TMEM131L: variants seen among roughly 807,000 people sequenced by gnomAD.
TMEM131L encodes transmembrane 131 like.
Under a neutral mutation model 192.2 loss-of-function variants are expected in TMEM131L, and 54 were observed. The observed-to-expected ratio is 0.28, with a 90% confidence interval of 0.23 to 0.35. TMEM131L has a LOEUF of 0.35. Among genes scored for constraint, TMEM131L ranks in the 10% least tolerant of loss-of-function variants. The pLI is 1.00. For missense variants in TMEM131L, 1,888 were observed against 1,972.9 expected (o/e 0.96, Z 0.82); for synonymous variants, 701 against 704.9 (o/e 0.99, Z 0.09).
intron 3 of TMEM131L, among the ~76,000 whole-genome samples, chr4:153,536,669 A>C (rs966321883): frequency 6.6e-6 from 1 of 152,158 alleles, no homozygotes; most frequent in Non-Finnish European, 1.5e-5. Flanking sequence ...AACTGACAGA[A>C]TCGATCGATC....
In TMEM131L at chr4:153,515,573, A is replaced by G. The variant is rs150498218; in HGVS notation, c.240-34500A>G. ...GTGTTTGTGTGGACGTATGTTTTCA[A>G]TTCTATTGGTTATATATCTACGAGT... On this transcript the variant is annotated intron_variant, in intron 3 of 34. Coordinates refer to ENST00000409959, the MANE Select transcript of TMEM131L (RefSeq NM_001131007.2). 1.0e-3 allele frequency among the ~76,000 whole-genome samples: 158 copies of G among 152,328 alleles called. No homozygotes were observed. In the East Asian group the frequency reaches 0.017, roughly 16 times the overall value.
In TMEM131L at chr4:153,605,929, T is replaced by C. The variant is rs539279035; in HGVS notation, c.3418+1499T>C. On this transcript the variant is annotated intron_variant, in intron 25 of 34. Transcript: ENST00000409959. ...CTAGGCAGCTGCACACATGCATTCT[T>C]GGTGCATTTAGTCCAACCCGTTTGT... 2.8e-4 allele frequency among the ~76,000 whole-genome samples: 42 copies of C among 152,328 alleles called. No individual in the cohort carries two copies. The South Asian group carries it at 7.0e-3, about 26-fold the overall frequency.
At chr4:153,571,171 C>G (rs1486221011) in intron 7 of TMEM131L, among the ~76,000 whole-genome samples, 1 of 151,954 alleles carries the variant, frequency 6.6e-6, no homozygotes, top group African/African-American at 2.4e-5. Context: ...AATCTTTTTT[C>G]TGTTTGTTGC....
At chr4:153,513,109 T>C (rs1266729071) in intron 3 of TMEM131L, among the ~76,000 whole-genome samples, 1 of 152,184 alleles carries the variant, frequency 6.6e-6, no homozygotes, top group Non-Finnish European at 1.5e-5. Context: ...TCAGTAGAGC[T>C]CTGGAGGTAG....
intron 3 of TMEM131L, among the ~76,000 whole-genome samples, chr4:153,549,649 A>C (rs1262292700): frequency 1.3e-5 from 2 of 152,192 alleles, no homozygotes; most frequent in Non-Finnish European, 2.9e-5. Context: ...TTGTAGCCTC[A>C]CCAGCTATGC....
Position 153,579,297 on chromosome 4 carries a change from C to T in TMEM131L, c.661-1529C>T, listed in dbSNP as rs551448437. On this transcript the variant is annotated intron_variant, in intron 7 of 34. Coordinates refer to ENST00000409959, the MANE Select transcript of TMEM131L (RefSeq NM_001131007.2). ...TTGCATGAGCCAAGATTGCACTACC[C>T]GACTCCAGCCTGGGAAACAGAGTGA... Among the ~76,000 whole-genome samples, 125 of 152,002 alleles carry T rather than the reference C, an allele frequency of 8.2e-4. 2 individuals carry two copies. Among genetic ancestry groups the T allele is most frequent in the Admixed American group, 8.2e-3 (125 of 15,284 alleles).
intron 3 of TMEM131L, among the ~76,000 whole-genome samples, chr4:153,530,856 T>C (rs1735847441): frequency 6.6e-6 from 1 of 152,134 alleles, no homozygotes; most frequent in African/African-American, 2.4e-5. Context: ...CCAGCACCCC[T>C]TGTGGGCCAG....
At chr4:153,482,812 T>C (rs1732039927) in intron 3 of TMEM131L, among the ~76,000 whole-genome samples, 1 of 152,134 alleles carries the variant, frequency 6.6e-6, no homozygotes, top group Non-Finnish European at 1.5e-5. Context: ...TTGCCCACAC[T>C]GTTCTCTAAC....
At chr4:153,549,453 A>G (rs1737441125) in intron 3 of TMEM131L, among the ~76,000 whole-genome samples, 1 of 152,124 alleles carries the variant, frequency 6.6e-6, no homozygotes, top group Admixed American at 6.5e-5. Flanking sequence ...TTTATATGTC[A>G]TGTATCTTTA....
intron 3 of TMEM131L, among the ~76,000 whole-genome samples, chr4:153,488,669 G>A (rs1732540327): frequency 6.6e-6 from 1 of 152,180 alleles, no homozygotes; most frequent in Admixed American, 6.5e-5. Flanking sequence ...GTTCAAGTGT[G>A]GTGTATTAAT....
chr4:153,624,018 C>G (rs909505903), intron 29 of TMEM131L, among the ~76,000 whole-genome samples: 14 of 151,584 alleles, frequency 9.2e-5, no homozygotes, highest in African/African-American at 3.4e-4. Flanking sequence ...ATATATCCAT[C>G]AACAAAATAT....
At chr4:153,525,583 G>C (rs1370439190) in intron 3 of TMEM131L, among the ~76,000 whole-genome samples, 1 of 152,188 alleles carries the variant, frequency 6.6e-6, no homozygotes, top group East Asian at 1.9e-4. Context: ...CAAGTGATCA[G>C]CCTGCCTGGG....
chr4:153,523,351 C>G (rs1342119109), intron 3 of TMEM131L, among the ~76,000 whole-genome samples: 2 of 152,132 alleles, frequency 1.3e-5, no homozygotes, highest in Non-Finnish European at 2.9e-5. Context: ...TTCTATAAGA[C>G]GTGAGATTAG....
chr4:153,612,025 C>CG (rs376013485), intron 25 of TMEM131L, among the ~76,000 whole-genome samples: 13 of 152,120 alleles, frequency 8.5e-5, no homozygotes, highest in African/African-American at 2.9e-4. Flanking sequence ...TGTCCCCCCC[C>CG]ACCTTTTTCC....
chr4:153,628,798 T>G (rs1389226452), intron 31 of TMEM131L, among the ~76,000 whole-genome samples: 2 of 152,230 alleles, frequency 1.3e-5, no homozygotes, highest in Non-Finnish European at 2.9e-5. Context: ...CTTCAGCATG[T>G]GCCGTTCTGC....
chr4:153,523,506 A>G (rs1384672200), intron 3 of TMEM131L, among the ~76,000 whole-genome samples: 1 of 152,220 alleles, frequency 6.6e-6, no homozygotes, highest in Non-Finnish European at 1.5e-5. Flanking sequence ...TCTGTGGCAT[A>G]AGTCTGAAGG....
chr4:153,568,276 G>A (rs912320740), intron 7 of TMEM131L, among the ~76,000 whole-genome samples: 5 of 152,174 alleles, frequency 3.3e-5, no homozygotes, highest in African/African-American at 1.2e-4. Flanking sequence ...GTGAGTGGGG[G>A]TGTTCTCCCT....
At chr4:153,574,108 T>C (rs770697625) in intron 7 of TMEM131L, among the ~76,000 whole-genome samples, 11 of 147,346 alleles carry the variant, frequency 7.5e-5, no homozygotes, top group Non-Finnish European at 1.5e-4. Context: ...TGATCTCAAA[T>C]CTGTGTTGGC....
chr4:153,619,057 C>T (rs1733201608), intron 26 of TMEM131L, among the ~76,000 whole-genome samples: 3 of 152,284 alleles, frequency 2.0e-5, no homozygotes, highest in Middle Eastern at 3.4e-3. Flanking sequence ...TTCTGGTCAC[C>T]GAGTCCCGCC....
Sources: allele counts gnomAD v4.1 joint callset (sites outside exome capture counted in the v4.1 genomes callset), GRCh38; gene constraint gnomAD v4.1.1; transcripts MANE v1.5; gene names NCBI Gene and HGNC (gene_info 2026-07-23, HGNC 2026-07-21).